The following ATOSA variants were observed in gnomAD, a reference collection of about 807,000 sequenced individuals.
ATOSA encodes the protein atos homolog A.
chr15:52,581,857 AAAACATT>A, the ATOSA span: 2 of 243,072 alleles, frequency 8.2e-6, no homozygotes, highest in African/African-American at 4.5e-5. Context: ...AGTATTAAGG[AAAACATT>A]AAATATTAAA....
the ATOSA span, among the ~76,000 whole-genome samples, chr15:52,668,907 ATTT>A: frequency 7.0e-6 from 1 of 142,286 alleles, no homozygotes; most frequent in Non-Finnish European, 1.5e-5. Flanking sequence ...TGGGTTTGAA[ATTT>A]TTTTTTTTTT....
chr15:52,621,910 C>G, the ATOSA span, among the ~76,000 whole-genome samples: 3 of 151,180 alleles, frequency 2.0e-5, no homozygotes, highest in African/African-American at 7.3e-5. Context: ...AGTGCAATGA[C>G]ATGATCTCGA....
chr15:52,662,079 A>G, the ATOSA span, among the ~76,000 whole-genome samples: 2 of 152,212 alleles, frequency 1.3e-5, no homozygotes, highest in Non-Finnish European at 2.9e-5. Context: ...ATTCACACAG[A>G]TAGTGGCAAA....
At chr15:52,650,211 C>T in the ATOSA span, among the ~76,000 whole-genome samples, 1 of 152,152 alleles carries the variant, frequency 6.6e-6, no homozygotes, top group South Asian at 2.1e-4. Context: ...GTCTGCCTCT[C>T]ACTCCAAACT....
At chr15:52,653,719 G>A in the ATOSA span, among the ~76,000 whole-genome samples, 4 of 152,216 alleles carry the variant, frequency 2.6e-5, no homozygotes, top group East Asian at 3.9e-4. Context: ...GTACTTTTTC[G>A]TTAACACTTA....
At chr15:52,609,023 G>A in the ATOSA span, 5 of 1,613,094 alleles carry the variant, frequency 3.1e-6, no homozygotes, top group Non-Finnish European at 4.2e-6. Flanking sequence ...CTCATTTCTT[G>A]CTCCTTGAAT....
At chr15:52,693,351 C>G in the ATOSA span, among the ~76,000 whole-genome samples, 1 of 152,122 alleles carries the variant, frequency 6.6e-6, no homozygotes, top group Non-Finnish European at 1.5e-5. Context: ...ACCCAGGAGG[C>G]AGAGGTTGCA....
At chr15:52,662,567 G>A in the ATOSA span, among the ~76,000 whole-genome samples, 8 of 151,976 alleles carry the variant, frequency 5.3e-5, no homozygotes, top group African/African-American at 1.7e-4. Flanking sequence ...TCAGGAGATC[G>A]AGACCATCCT....
chr15:52,648,385 T>A, the ATOSA span, among the ~76,000 whole-genome samples: 2 of 152,170 alleles, frequency 1.3e-5, no homozygotes, highest in African/African-American at 4.8e-5. Flanking sequence ...ATGTGATATT[T>A]TAACACATGT....
At chr15:52,662,508 A>C in the ATOSA span, among the ~76,000 whole-genome samples, 170 of 152,110 alleles carry the variant, frequency 1.1e-3, no homozygotes, top group Non-Finnish European at 1.6e-3. Flanking sequence ...CGGTGGCTCA[A>C]GCCTGTAATC....
chr15:52,585,066 A>C, the ATOSA span: 46 of 685,780 alleles, frequency 6.7e-5, no homozygotes, highest in Non-Finnish European at 9.1e-6. Flanking sequence ...AATATAATTC[A>C]GTTTCAAGGA....
At chr15:52,609,637 G>C in the ATOSA span, 2 of 1,613,146 alleles carry the variant, frequency 1.2e-6, no homozygotes, top group Non-Finnish European at 1.7e-6. Flanking sequence ...AAAAGTCATG[G>C]AGAAAGCTTC....
At chr15:52,653,431 C>G in the ATOSA span, among the ~76,000 whole-genome samples, 12 of 152,140 alleles carry the variant, frequency 7.9e-5, no homozygotes, top group African/African-American at 2.7e-4. Context: ...ATTAAAGAAT[C>G]TGATCACCGG....
the ATOSA span, among the ~76,000 whole-genome samples, chr15:52,630,226 TTC>T: frequency 6.6e-6 from 1 of 152,188 alleles, no homozygotes; most frequent in Non-Finnish European, 1.5e-5. Context: ...ACAACTTTGT[TTC>T]CCAAGTTGGT....
chr15:52,625,735 C>A, the ATOSA span, among the ~76,000 whole-genome samples: 1 of 152,154 alleles, frequency 6.6e-6, no homozygotes, highest in Non-Finnish European at 1.5e-5. Context: ...TCATCTAGCT[C>A]TTTGAAAACT....
the ATOSA span, among the ~76,000 whole-genome samples, chr15:52,686,886 A>AAAT: frequency 1.3e-5 from 2 of 152,240 alleles, no homozygotes; most frequent in African/African-American, 4.8e-5. Context: ...AGAGAACATT[A>AAAT]GCCTTCTTAT....
the ATOSA span, among the ~76,000 whole-genome samples, chr15:52,694,700 C>T: frequency 6.6e-6 from 1 of 151,930 alleles, no homozygotes; most frequent in African/African-American, 2.4e-5. Flanking sequence ...TGACCTCACG[C>T]CCTATTATCA....
chr15:52,613,146 T>C, the ATOSA span, among the ~76,000 whole-genome samples: 1 of 151,952 alleles, frequency 6.6e-6, no homozygotes, highest in Non-Finnish European at 1.5e-5. Context: ...GGAGGGCGGA[T>C]CATGAGGTCA....
At chr15:52,625,996 G>A in the ATOSA span, among the ~76,000 whole-genome samples, 4 of 152,326 alleles carry the variant, frequency 2.6e-5, no homozygotes, top group African/African-American at 9.6e-5. Context: ...AACTTTCAGA[G>A]GGCAGTTACA....
Sources: gnomAD v4.1 joint callset for allele counts (sites outside exome capture counted in the v4.1 genomes callset) on GRCh38, gnomAD v4.1.1 for gene constraint, MANE v1.5 for transcripts, NCBI Gene and HGNC (gene_info 2026-07-23, HGNC 2026-07-21) for gene names.